Variants in SELENOT observed in about 807,000 individuals in gnomAD.
The protein encoded by SELENOT is thioredoxin reductase-like selenoprotein T.
In SELENOT, 9 loss-of-function variants were observed where a neutral mutation model predicts 24.3. The observed-to-expected ratio is 0.37, with a 90% CI of 0.22 to 0.65. The LOEUF is 0.65. Ranked by LOEUF, SELENOT falls within the 30% of genes least tolerant of loss-of-function variation. The pLI, the probability that SELENOT is intolerant of heterozygous loss-of-function variation, is 0.60. For missense variants in SELENOT, 166 were observed against 247.6 expected, an observed-to-expected ratio of 0.67 and a Z score of 2.21; for synonymous variants, 81 against 86.0, an observed-to-expected ratio of 0.94 and a Z score of 0.32.
At chr3:150,620,863 T>A (rs929197470) in intron 1 of SELENOT, among the ~76,000 whole-genome samples, 2 of 152,246 alleles carry the variant, frequency 1.3e-5, no homozygotes, top group Non-Finnish European at 2.9e-5. Context: ...TTTTTTTATA[T>A]TTGCCTTTGC....
chr3:150,628,348 A>G lies in SELENOT; in HGVS notation c.*719A>G, dbSNP rs1159451713. 1 of 152,640 alleles carries G rather than the reference A, an allele frequency of 6.6e-6. No homozygotes were observed. Among genetic ancestry groups the G allele is most frequent in the Non-Finnish European group, 1.5e-5 (1 of 68,020 alleles). The allele number at this position is 152,640 out of a possible 1,614,324, so 9.5% of individuals were successfully genotyped here. On this transcript the variant is annotated 3_prime_UTR_variant, in exon 6 of 6. Coordinates refer to ENST00000471696, the MANE Select transcript of SELENOT (RefSeq NM_016275.5). ...ATTAATTAACTGGGCCTTTATACTT[A>G]ACTAAATAAAAAACTAAGCAGATAT...
Position 150,628,318 on chromosome 3 carries a change from A to G in SELENOT, c.*689A>G, listed in dbSNP as rs554262292. ...GTGTCATGCCTTGACCAATCTAATG[A>G]ATTGATTAATTAACTGGGCCTTTAT... On this transcript the variant is annotated 3_prime_UTR_variant, in exon 6 of 6. Transcript: ENST00000471696. 64 of 152,742 alleles carry G rather than the reference A, an allele frequency of 4.2e-4. No individual in the cohort carries two copies. Among genetic ancestry groups the G allele is most frequent in the African/African-American group, 1.4e-3 (57 of 41,572 alleles). The allele number at this position is 152,742 out of a possible 1,614,324, so 9.5% of individuals were successfully genotyped here.
At chr3:150,618,198 G>T in intron 1 of SELENOT, among the ~76,000 whole-genome samples, 1 of 151,930 alleles carries the variant, frequency 6.6e-6, no homozygotes. Flanking sequence ...AAGGAACTCT[G>T]TTTGGATCTT....
intron 1 of SELENOT, among the ~76,000 whole-genome samples, chr3:150,610,398 T>G (rs1726061471): frequency 6.6e-6 from 1 of 152,244 alleles, no homozygotes; most frequent in Non-Finnish European, 1.5e-5. Flanking sequence ...TGGTTTTTCT[T>G]CAAGTTTGCA....
At chr3:150,604,935 G>C (rs1310171730) in intron 1 of SELENOT, among the ~76,000 whole-genome samples, 1 of 151,728 alleles carries the variant, frequency 6.6e-6, no homozygotes, top group East Asian at 1.9e-4. Context: ...TACTTGGGAG[G>C]CTGAGGCAGG....
chr3:150,617,640 G>T (rs1458539412), intron 1 of SELENOT, among the ~76,000 whole-genome samples: 3 of 152,088 alleles, frequency 2.0e-5, no homozygotes, highest in African/African-American at 7.2e-5. Flanking sequence ...GGCTCATTTT[G>T]TGTGTATTTC....
intron 1 of SELENOT, 27 bp downstream of exon 1, chr3:150,603,526 AC>A: frequency 6.6e-7 from 1 of 1,516,972 alleles, no homozygotes; most frequent in East Asian, 2.5e-5. Context: ...GGCCCCGGCC[AC>A]CCCGCCGCGC....
At chr3:150,603,545 C>T (rs372070229) in intron 1 of SELENOT, 46 bp downstream of exon 1, 322 of 1,540,190 alleles carry the variant, frequency 2.1e-4, no homozygotes, top group Non-Finnish European at 2.7e-4. Flanking sequence ...CGCCTCTGCT[C>T]GGCGCCATTG....
chr3:150,624,162 A>G (rs1245092641), intron 3 of SELENOT, among the ~76,000 whole-genome samples: 2 of 152,160 alleles, frequency 1.3e-5, no homozygotes, highest in African/African-American at 2.4e-5. Flanking sequence ...AGTAATTCCT[A>G]TAAAAACAAA....
intron 1 of SELENOT, among the ~76,000 whole-genome samples, chr3:150,605,220 T>C (rs1056042643): frequency 6.6e-6 from 1 of 152,330 alleles, no homozygotes; most frequent in Middle Eastern, 3.4e-3. Flanking sequence ...CTTACGGATT[T>C]AAGTGTTAAA....
At chr3:150,611,736 G>T in intron 1 of SELENOT, 1 of 1,509,158 alleles carries the variant, frequency 6.6e-7, no homozygotes, top group Non-Finnish European at 9.1e-7. Flanking sequence ...CAGGAGCCCG[G>T]CCTGGCCGCC....
intron 2 of SELENOT, 72 bp downstream of exon 2, chr3:150,622,567 T>A: frequency 1.6e-6 from 1 of 609,200 alleles, no homozygotes; most frequent in Non-Finnish European, 2.6e-6. Context: ...TTGGTTTAAT[T>A]AGCTGTCCTT....
At position 150,603,497 on chromosome 3, in the gene SELENOT, T is replaced by A; in HGVS notation, c.135T>A (p.Ile45=). ...CGGGGCCGCTGCTCAAGTTCCAGAT[T>A]TGGTGAGTATGTGCACTGGGCCCCG... ...YATGPLLKFQ[I]CVSUGYRRVF... Residue 45 remains isoleucine (I), a splice_region_variant and synonymous_variant, in exon 1 of 6, where the codon ATT becomes ATA. Coordinates refer to ENST00000471696, the MANE Select transcript of SELENOT (RefSeq NM_016275.5). 1 of 1,605,002 alleles carries A rather than the reference T, an allele frequency of 6.2e-7. No homozygotes were observed. Among genetic ancestry groups the A allele is most frequent in the Non-Finnish European group, 8.5e-7 (1 of 1,173,844 alleles).
chr3:150,612,507 T>A (rs1362182705), intron 1 of SELENOT, among the ~76,000 whole-genome samples: 1 of 152,224 alleles, frequency 6.6e-6, no homozygotes, highest in African/African-American at 2.4e-5. Flanking sequence ...TTCGTTCATA[T>A]TCTGGATCTG....
chr3:150,611,683 CCCGACCGCA>C, intron 1 of SELENOT: 1 of 1,601,386 alleles, frequency 6.2e-7, no homozygotes, highest in Non-Finnish European at 8.5e-7. Context: ...TTGCCTGCTG[CCCGACCGCA>C]CCGCTCACCA....
At position 150,627,051 on chromosome 3, in the gene SELENOT, T is replaced by A; in HGVS notation, c.505T>A (p.Ser169Thr). 6.2e-7 allele frequency: 1 copy of A among 1,613,620 alleles called. No homozygotes were observed. The highest frequency in any genetic ancestry group is 8.5e-7 in the Non-Finnish European group (1 of 1,179,788). ...TAAGCTGGAATCTGGTCACCTTCCA[T>A]CCATGCAACAACTTGTTCAAATTCT... ...WSKLESGHLP[S>T]MQQLVQILDN... Residue 169 changes from serine (S) to threonine (T), a missense_variant, in exon 5 of 6, where the codon TCC becomes ACC. By Grantham distance (58) the Ser-to-Thr change is moderately conservative (BLOSUM62 1). This residue lies in a region of SELENOT where 44 missense variants were observed against 72.2 expected (regional missense o/e 0.61). Coordinates refer to ENST00000471696, the MANE Select transcript of SELENOT (RefSeq NM_016275.5).
In SELENOT at chr3:150,630,321, G is replaced by A. The variant is rs1726531256; in HGVS notation, c.*2692G>A. On this transcript the variant is annotated 3_prime_UTR_variant, in exon 6 of 6. Transcript: ENST00000471696. ...CTTACAGGATTTTAAACATGGTGTGGTATTCTAAAGCCTTTTTTTTAAAAA... is the reference window on the plus strand; with the variant it reads ...CTTACAGGATTTTAAACATGGTGTGATATTCTAAAGCCTTTTTTTTAAAAA... 1 of 152,040 alleles carries A rather than the reference G, an allele frequency of 6.6e-6. No homozygotes were observed. Among genetic ancestry groups the A allele is most frequent in the South Asian group, 2.1e-4 (1 of 4,822 alleles). 9.4% of individuals were successfully genotyped at this position (152,040 alleles called of 1,614,324 possible).
Position 150,603,323 on chromosome 3 carries a change from A to G in SELENOT, c.-40A>G, listed in dbSNP as rs772142117. The G allele has an allele frequency of 1.9e-6, 3 of 1,591,654 alleles. No individual in the cohort carries two copies. Among genetic ancestry groups the G allele is most frequent in the Non-Finnish European group, 2.6e-6 (3 of 1,164,354 alleles). On this transcript the variant is annotated 5_prime_UTR_variant, in exon 1 of 6. Transcript: ENST00000471696. ...CGCTCCTGGGCTTTGGGCTGGCTGCAGTCTGTCTGAGGGCGGCCGAAGTGG... is the reference window on the plus strand; with the variant it reads ...CGCTCCTGGGCTTTGGGCTGGCTGCGGTCTGTCTGAGGGCGGCCGAAGTGG...
rs564643263 is a variant in SELENOT at position 150,629,389 on chromosome 3, C to T, written c.*1760C>T. 2 of 152,730 alleles carry T rather than the reference C, an allele frequency of 1.3e-5. No individual in the cohort carries two copies. Among genetic ancestry groups the T allele is most frequent in the Admixed American group, 1.3e-4 (2 of 15,294 alleles). 9.5% of individuals were successfully genotyped at this position (152,730 alleles called of 1,614,324 possible). On this transcript the variant is annotated 3_prime_UTR_variant, in exon 6 of 6. Transcript: ENST00000471696. ...AGGTATAATATCATCTTGTCTTTGA[C>T]TAGAGCTTGAAACCTTGTTATCTGA...
Sources: gnomAD v4.1 joint callset for allele counts (sites outside exome capture counted in the v4.1 genomes callset) on GRCh38, gnomAD v4.1.1 for gene constraint, gnomAD v4.1.1 regional missense constraint, MANE v1.5 for transcripts, NCBI Gene and HGNC (gene_info 2026-07-23, HGNC 2026-07-21) for gene names.